The following MORN1 variants were observed in gnomAD, a reference collection of about 807,000 sequenced individuals.
MORN1 encodes MORN repeat-containing protein 1.
MORN1 carries 67 observed loss-of-function variants against 61.9 expected under a neutral mutation model. That is an observed-to-expected ratio of 1.08 (90% CI 0.89 to 1.33). The LOEUF is 1.33. Ranked by LOEUF, MORN1 falls within the 40% of genes most tolerant of loss-of-function variation. The probability of loss-of-function intolerance (pLI) is 0.00; values close to 1 mark genes in which losing one functional copy is unlikely to be tolerated. For synonymous variants in MORN1, 301 were observed against 292.0 expected (o/e 1.03, Z -0.31); for missense variants, 752 against 691.2 (o/e 1.09, Z -0.99).
At chr1:2,379,016 C>T (rs1342603917) in intron 6 of MORN1, 2 of 470,944 alleles carry the variant, frequency 4.2e-6, no homozygotes, top group Admixed American at 4.7e-5. Flanking sequence ...GCATTTTTTT[C>T]TAGAATGCAT....
At chr1:2,335,628 C>A (rs2100251056) in intron 12 of MORN1, among the ~76,000 whole-genome samples, 1 of 152,318 alleles carries the variant, frequency 6.6e-6, no homozygotes, top group Non-Finnish European at 1.5e-5. Flanking sequence ...TCACCAAAAT[C>A]TTTTGCTCCA....
intron 8 of MORN1, among the ~76,000 whole-genome samples, chr1:2,369,969 G>A (rs1454281819): frequency 6.6e-6 from 1 of 152,176 alleles, no homozygotes; most frequent in Non-Finnish European, 1.5e-5. Flanking sequence ...TTTTGTTGTT[G>A]TTGCAGAAGT....
chr1:2,340,071 C>T lies in MORN1; in HGVS notation c.1037-3221G>A, dbSNP rs1000783613. ...ATCAGGGTGGCCCTGGCCTGAGCCC[C>T]CACTTGTCCCCCGGTGTCATCGGCT... On this transcript the variant is annotated intron_variant, in intron 10 of 13. Transcript: ENST00000378531. 1.4e-4 allele frequency among the ~76,000 whole-genome samples: 22 copies of T among 152,338 alleles called. 1 individual carries two copies. Among genetic ancestry groups the T allele is most frequent in the African/African-American group, 5.1e-4 (21 of 41,584 alleles).
chr1:2,325,071 C>T (rs946860310), intron 12 of MORN1, among the ~76,000 whole-genome samples: 28 of 149,146 alleles, frequency 1.9e-4, no homozygotes, highest in African/African-American at 4.2e-4. Flanking sequence ...AGATGCACTT[C>T]GGAAATACAT....
rs899966208 is a variant in MORN1 at position 2,331,678 on chromosome 1, C to T, written c.1250+4791G>A. On this transcript the variant is annotated intron_variant, in intron 12 of 13. Transcript: ENST00000378531. ...TGTGAAGGAACCTTGGCTCCTCTTT[C>T]CTCTGCCTATTTTAGGGAACAGTCA... Among the ~76,000 whole-genome samples, 16 of 152,310 alleles carry T rather than the reference C, an allele frequency of 1.1e-4. No homozygotes were observed. The East Asian group carries it at 1.4e-3, about 13-fold the overall frequency.
intron 6 of MORN1, chr1:2,378,656 G>C (rs534342931): frequency 3.7e-5 from 11 of 299,484 alleles, no homozygotes; most frequent in African/African-American, 8.7e-5. Flanking sequence ...GGAGGGCCGC[G>C]CTGCTGCCAA....
At chr1:2,374,031 GA>G (rs1457103881) in intron 7 of MORN1, among the ~76,000 whole-genome samples, 1 of 152,178 alleles carries the variant, frequency 6.6e-6, no homozygotes, top group Non-Finnish European at 1.5e-5. Flanking sequence ...CCTCATCCTG[GA>G]ATCTATTGAG....
chr1:2,391,115 G>C (rs1369761974), intron 1 of MORN1, among the ~76,000 whole-genome samples: 1 of 152,202 alleles, frequency 6.6e-6, no homozygotes, highest in Admixed American at 6.5e-5. Context: ...GCCTGCCCTC[G>C]CCCCAAGTCC....
At chr1:2,380,257 CG>C (rs972502192) in intron 6 of MORN1, among the ~76,000 whole-genome samples, 5 of 152,100 alleles carry the variant, frequency 3.3e-5, no homozygotes, top group Non-Finnish European at 5.9e-5. Flanking sequence ...GACAGAGGTT[CG>C]GGTGGGAAGC....
Position 2,336,462 on chromosome 1 carries a change from A to G in MORN1, c.1250+7T>C, listed in dbSNP as rs534450114. 3 of 1,610,490 alleles carry G rather than the reference A, an allele frequency of 1.9e-6. No homozygotes were observed. In the African/African-American group the frequency reaches 4.0e-5, roughly 21 times the overall value. ...GAACACCTGCAGGTGGGGTGGGCTC[A>G]TCCTACCTGCTGCCTCCAGGAGGCT... On this transcript the variant is annotated splice_region_variant and intron_variant, in intron 12 of 13. Coordinates refer to ENST00000378531, the MANE Select transcript of MORN1 (RefSeq NM_024848.3).
intron 9 of MORN1, among the ~76,000 whole-genome samples, chr1:2,358,066 G>A (rs1271558680): frequency 1.3e-5 from 2 of 152,200 alleles, no homozygotes; most frequent in African/African-American, 2.4e-5. Context: ...GCGGGGCTTA[G>A]AGTGAGGCCT....
At position 2,385,013 on chromosome 1, in the gene MORN1, C is replaced by A. The variant is rs774351788; in HGVS notation, c.502G>T (p.Gly168Trp). ...DWVRDRRQGH[G>W]VLRCADGSTY... ...GAGCCGTCGGCGCAGCGCAGCACCCCGTGTCCCTGACGCCGGTCCCGGACC... is the reference window on the plus strand; with the variant it reads ...GAGCCGTCGGCGCAGCGCAGCACCCAGTGTCCCTGACGCCGGTCCCGGACC... The change falls in exon 6 of 14, where the codon GGG becomes TGG. Residue 168 changes from glycine to tryptophan, a missense_variant. By Grantham distance (184) the Gly-to-Trp change is radical (BLOSUM62 -2). Coordinates refer to ENST00000378531, the MANE Select transcript of MORN1 (RefSeq NM_024848.3). 16 of 1,597,420 alleles carry A rather than the reference C, an allele frequency of 1.0e-5. No individual in the cohort carries two copies. The African/African-American group carries it at 1.7e-4, about 17-fold the overall frequency.
chr1:2,325,203 T>TCCC, intron 12 of MORN1, among the ~76,000 whole-genome samples: 1 of 7,822 alleles, frequency 1.3e-4, no homozygotes, highest in Non-Finnish European at 3.1e-4. Context: ...TTCCTTCTTT[T>TCCC]TTTTCTTTCT....
At chr1:2,355,511 C>T (rs1176537176) in intron 10 of MORN1, 1 of 1,547,860 alleles carries the variant, frequency 6.5e-7, no homozygotes. Flanking sequence ...GGCTTCTAGC[C>T]ACCAGCTGGG....
intron 10 of MORN1, among the ~76,000 whole-genome samples, chr1:2,338,724 A>C (rs1248930034): frequency 6.6e-6 from 1 of 152,210 alleles, no homozygotes; most frequent in Non-Finnish European, 1.5e-5. Context: ...ATCCACATGG[A>C]GCCTGGAGGG....
chr1:2,357,226 G>A lies in MORN1; in HGVS notation c.1036+206C>T, dbSNP rs1641794182. The stretch of plus-strand genomic sequence containing the variant: ...CCAGGCTCACGGCAGACGAACAATC[G>A]GCTTGAGCCTCCGCAGCCACCCGTG... On this transcript the variant is annotated intron_variant, in intron 10 of 13. Coordinates refer to ENST00000378531, the MANE Select transcript of MORN1 (RefSeq NM_024848.3). This position sits in a 1 kb window ranked among gnomAD's most constrained non-coding sequence, Gnocchi z 6.3. 6.6e-6 allele frequency among the ~76,000 whole-genome samples: 1 copy of A among 152,170 alleles called. No homozygotes were observed. Among genetic ancestry groups the A allele is most frequent in the Non-Finnish European group, 1.5e-5 (1 of 68,014 alleles).
intron 10 of MORN1, among the ~76,000 whole-genome samples, chr1:2,341,277 C>T (rs952094184): frequency 6.6e-6 from 1 of 152,206 alleles, no homozygotes; most frequent in African/African-American, 2.4e-5. Flanking sequence ...TGGCCAGGTG[C>T]CTGGCCGAGC....
At chr1:2,325,239 T>C (rs565770067) in intron 12 of MORN1, among the ~76,000 whole-genome samples, 9 of 122,108 alleles carry the variant, frequency 7.4e-5, no homozygotes, top group Non-Finnish European at 1.4e-4. Flanking sequence ...TTGTTCCTTC[T>C]TCCTCTCTCT....
intron 8 of MORN1, among the ~76,000 whole-genome samples, chr1:2,366,048 T>C (rs1468534547): frequency 1.4e-5 from 2 of 147,190 alleles, no homozygotes; most frequent in Non-Finnish European, 3.0e-5. Context: ...TGCGGCACTA[T>C]TCACAATAGC....
Sources: gnomAD v4.1 joint callset for allele counts (sites outside exome capture counted in the v4.1 genomes callset) on GRCh38, gnomAD v4.1.1 for gene constraint, Gnocchi (gnomAD v3.1) non-coding constraint, MANE v1.5 for transcripts, NCBI Gene and HGNC (gene_info 2026-07-23, HGNC 2026-07-21) for gene names.